The following SLC6A3 variants were observed in gnomAD, a reference collection of about 807,000 sequenced individuals.
The protein encoded by SLC6A3 is sodium-dependent dopamine transporter.
In SLC6A3, 19 loss-of-function variants were observed where a neutral mutation model predicts 70.4. The observed-to-expected ratio is 0.27, with a 90% CI of 0.19 to 0.40. SLC6A3 has a LOEUF of 0.40. Ranked by LOEUF, SLC6A3 falls within the 10% of genes least tolerant of loss-of-function variation. The pLI is 1.00. For synonymous variants in SLC6A3, 368 were observed against 356.6 expected, an observed-to-expected ratio of 1.03 and a Z score of -0.36; for missense variants, 613 against 838.5, an observed-to-expected ratio of 0.73 and a Z score of 3.32.
At position 1,441,375 on chromosome 5, in the gene SLC6A3, G is replaced by A. The variant is rs754574857; in HGVS notation, c.402C>T (p.Ile134=). 1 of 1,614,256 alleles carries A rather than the reference G, an allele frequency of 6.2e-7. No homozygotes were observed. The highest frequency in any genetic ancestry group is 2.2e-5 in the East Asian group (1 of 44,882). The part of the protein sequence containing the change: ...NREGAAGVWK[I]CPILKGVGFT... ...GCATATTACCTTTCAGTATGGGGCA[G>A]ATCTTCCAGACACCAGCGGCCCCTT... Residue 134 remains isoleucine (I), a synonymous_variant, in exon 3 of 15, where the codon ATC becomes ATT. Transcript: ENST00000270349.
chr5:1,429,017 G>A (rs1756636129), intron 4 of SLC6A3, among the ~76,000 whole-genome samples: 1 of 152,208 alleles, frequency 6.6e-6, no homozygotes, highest in Non-Finnish European at 1.5e-5. Flanking sequence ...CTAGGACAAA[G>A]AGCTGCACTG....
At chr5:1,410,880 A>ATGTGTT (rs1756103653) in intron 9 of SLC6A3, among the ~76,000 whole-genome samples, 1 of 149,556 alleles carries the variant, frequency 6.7e-6, no homozygotes, top group Non-Finnish European at 1.5e-5. Context: ...GCATGTGTGT[A>ATGTGTT]TGTGTGTGCA....
intron 1 of SLC6A3, among the ~76,000 whole-genome samples, chr5:1,444,523 C>T (rs1454590008): frequency 6.6e-6 from 1 of 152,248 alleles, no homozygotes; most frequent in Non-Finnish European, 1.5e-5. Flanking sequence ...GCAACTTTCC[C>T]TGCATCCAAG....
At chr5:1,415,196 G>A (rs907528666) in intron 7 of SLC6A3, among the ~76,000 whole-genome samples, 1 of 152,142 alleles carries the variant, frequency 6.6e-6, no homozygotes, top group African/African-American at 2.4e-5. Context: ...GGGTCTCGGG[G>A]GCTGTGTTTC....
At position 1,403,071 on chromosome 5, in the gene SLC6A3, T is replaced by C; in HGVS notation, c.1618A>G (p.Ile540Val). 1 of 1,613,716 alleles carries C rather than the reference T, an allele frequency of 6.2e-7. No homozygotes were observed. The change falls in exon 13 of 15, where the codon ATT becomes GTT. Residue 540 changes from isoleucine to valine, a missense_variant. Coordinates refer to ENST00000270349, the MANE Select transcript of SLC6A3 (RefSeq NM_001044.5). The part of the protein sequence containing the change: ...CFLLFVVVVS[I>V]VTFRPPHYGA... ...TAGTGGGGGGGTCTGAAGGTCACAATGCTGACCACGACCACGAACTGCAAC... is the reference window on the plus strand; with the variant it reads ...TAGTGGGGGGGTCTGAAGGTCACAACGCTGACCACGACCACGAACTGCAAC...
At chr5:1,414,047 G>C (rs956352431) in intron 8 of SLC6A3, among the ~76,000 whole-genome samples, 2 of 152,192 alleles carry the variant, frequency 1.3e-5, no homozygotes, top group African/African-American at 4.8e-5. Context: ...TCATGCGTCG[G>C]CCTGGGGAGC....
At chr5:1,432,137 G>C (rs989326771) in intron 4 of SLC6A3, among the ~76,000 whole-genome samples, 1 of 152,154 alleles carries the variant, frequency 6.6e-6, no homozygotes, top group African/African-American at 2.4e-5. Flanking sequence ...CCAGAGACTG[G>C]AGCTTGCCCA....
In SLC6A3 at chr5:1,394,866, T is replaced by C. The variant is rs964540246; in HGVS notation, c.1840-108A>G. 5 of 1,228,988 alleles carry C rather than the reference T, an allele frequency of 4.1e-6. No individual in the cohort carries two copies. In the African/African-American group the frequency reaches 5.9e-5, roughly 15 times the overall value. The allele number at this position is 1,228,988 out of a possible 1,614,324, so 76.1% of individuals were successfully genotyped here. On this transcript the variant is annotated intron_variant, in intron 14 of 14. Transcript: ENST00000270349. This position sits in a 1 kb window ranked among gnomAD's most constrained non-coding sequence, Gnocchi z 4.7. ...GGCAGTGAGCAGACAGTTTGCAGCC[T>C]CCTGGCCATGTGCCCTGGGAGAAGG... is the stretch of plus-strand genomic sequence containing the variant.
At chr5:1,409,578 G>C in intron 10 of SLC6A3, 143 bp downstream of exon 10, 2 of 934,076 alleles carry the variant, frequency 2.1e-6, no homozygotes, top group Non-Finnish European at 3.5e-6. Flanking sequence ...GCACTGCTAC[G>C]AGTCATTTTC....
chr5:1,420,493 G>A lies in SLC6A3; in HGVS notation c.927+76C>T, dbSNP rs530201443. 6 of 1,554,648 alleles carry A rather than the reference G, an allele frequency of 3.9e-6. No individual in the cohort carries two copies. In the South Asian group the frequency reaches 6.7e-5, roughly 17 times the overall value. The stretch of plus-strand genomic sequence containing the variant: ...TGCAACTCTGACACCTCTCAGCCCT[G>A]GCAGGCAATGCATATGGAAACCTGG... On this transcript the variant is annotated intron_variant, in intron 6 of 14. Transcript: ENST00000270349.
In SLC6A3 at chr5:1,401,328, C is replaced by A; in HGVS notation, c.1768-342G>T. 1.9e-6 allele frequency: 1 copy of A among 532,168 alleles called. No individual in the cohort carries two copies. The highest frequency in any genetic ancestry group is 3.6e-6 in the Non-Finnish European group (1 of 276,476). The allele number at this position is 532,168 out of a possible 1,614,324, so 33.0% of individuals were successfully genotyped here. ...AGTCTAAGCTACCACGTGTGCTGGG[C>A]TCTGAGTAAGAAAGTGCCCACACCC... is the stretch of plus-strand genomic sequence containing the variant. On this transcript the variant is annotated intron_variant, in intron 13 of 14. Coordinates refer to ENST00000270349, the MANE Select transcript of SLC6A3 (RefSeq NM_001044.5). This position sits in a 1 kb window ranked among gnomAD's most constrained non-coding sequence, Gnocchi z 6.1.
chr5:1,409,279 C>T (rs1026041254), intron 10 of SLC6A3, among the ~76,000 whole-genome samples, 154 bp from the exon 11 acceptor site: 12 of 152,134 alleles, frequency 7.9e-5, no homozygotes, highest in African/African-American at 1.2e-4. Context: ...CTTAGGGCCA[C>T]GTGTATTACA....
At position 1,442,995 on chromosome 5, in the gene SLC6A3, T is replaced by A; in HGVS notation, c.203A>T (p.Asp68Val). ...QDRETWGKKI[D>V]FLLSVIGFAV... ...AAAGCCAATGACGGACAGGAGAAAG[T>A]CGATCTTCTTGCCCCAGGTCTCCCG... Residue 68 changes from aspartate to valine, a missense_variant, in exon 2 of 15, where the codon GAC (aspartate) becomes GTC (valine). Asp to Val is a radical substitution (Grantham distance 152). Around this residue, in one of 4 missense-constraint regions of SLC6A3, gnomAD observed 111 missense variants for 91.6 expected, o/e 1.21. Transcript: ENST00000270349. This position sits in a 1 kb window ranked among gnomAD's most constrained non-coding sequence, Gnocchi z 5.0. 1 of 1,614,160 alleles carries A rather than the reference T, an allele frequency of 6.2e-7. No homozygotes were observed.
At chr5:1,395,533 C>G (rs954131081) in intron 14 of SLC6A3, among the ~76,000 whole-genome samples, 6 of 152,200 alleles carry the variant, frequency 3.9e-5, no homozygotes, top group African/African-American at 1.4e-4. Context: ...CAAGAGCCTG[C>G]AGGGACCTCC....
rs1281034731 is a variant in SLC6A3, at chr5:1,406,295, G to T, written c.1499-7C>A. ...TCGCTGAACTGCCCAACACCTGAGG[G>T]AGAAGAGGTGGCATCAGTGTCCATC... On this transcript the variant is annotated splice_polypyrimidine_tract_variant and splice_region_variant and intron_variant, in intron 11 of 14. Transcript: ENST00000270349. The surrounding 1 kb of genome is among the most constrained non-coding windows in gnomAD (Gnocchi z 8.8). The T allele has an allele frequency of 1.2e-6, 2 of 1,610,522 alleles. No individual in the cohort carries two copies. Among genetic ancestry groups the T allele is most frequent in the Admixed American group, 3.3e-5 (2 of 60,026 alleles).
rs1756436760 is a variant in SLC6A3, at chr5:1,421,589, G to A, written c.792+287C>T. 6.6e-6 allele frequency among the ~76,000 whole-genome samples: 1 copy of A among 152,060 alleles called. No individual in the cohort carries two copies. The highest frequency in any genetic ancestry group is 2.1e-4 in the South Asian group (1 of 4,824). On this transcript the variant is annotated intron_variant, in intron 5 of 14. Coordinates refer to ENST00000270349, the MANE Select transcript of SLC6A3 (RefSeq NM_001044.5). The surrounding 1 kb of genome is among the most constrained non-coding windows in gnomAD (Gnocchi z 7.2). Reference sequence around the variant, plus strand: ...CGTGTGTCCGCCCAGCCCAGCCACGGCCACGTGTCCCCCCACCCACCCATG... The same window carrying A: ...CGTGTGTCCGCCCAGCCCAGCCACGACCACGTGTCCCCCCACCCACCCATG...
chr5:1,409,151 C>A, intron 10 of SLC6A3, 26 bp from the exon 11 acceptor site: 5 of 1,534,888 alleles, frequency 3.3e-6, no homozygotes, highest in Non-Finnish European at 3.6e-6. Context: ...GCCTGTGGAC[C>A]TACAGAAGGG....
At position 1,438,531 on chromosome 5, in the gene SLC6A3, T is replaced by C. The variant is rs562641393; in HGVS notation, c.418+2828A>G. Among the ~76,000 whole-genome samples, 7 of 152,376 alleles carry C rather than the reference T, an allele frequency of 4.6e-5. No homozygotes were observed. The highest frequency in any genetic ancestry group is 8.8e-5 in the Non-Finnish European group (6 of 68,040). On this transcript the variant is annotated intron_variant, in intron 3 of 14. Transcript: ENST00000270349. The surrounding 1 kb of genome is among the most constrained non-coding windows in gnomAD (Gnocchi z 6.5). Reference sequence around the variant, plus strand: ...AAGTTGAGTTGGTGCTCTGAAATTCTTAGAAATTGCTTCTTGACATTTTAT... The same window carrying C: ...AAGTTGAGTTGGTGCTCTGAAATTCCTAGAAATTGCTTCTTGACATTTTAT...
At position 1,413,720 on chromosome 5, in the gene SLC6A3, C is replaced by T. The variant is rs1388261840; in HGVS notation, c.1156+971G>A. 6.6e-6 allele frequency among the ~76,000 whole-genome samples: 1 copy of T among 152,162 alleles called. No individual in the cohort carries two copies. On this transcript the variant is annotated intron_variant, in intron 8 of 14. Coordinates refer to ENST00000270349, the MANE Select transcript of SLC6A3 (RefSeq NM_001044.5). This position sits in a 1 kb window ranked among gnomAD's most constrained non-coding sequence, Gnocchi z 7.1. ...CTCCACATCCATGTGGCAGAGCAGG[C>T]CGGGAGGCAGGCGGGGGCTCTGCTG...
Sources: gnomAD v4.1 joint callset for allele counts (sites outside exome capture counted in the v4.1 genomes callset) on GRCh38, gnomAD v4.1.1 for gene constraint, gnomAD v4.1.1 regional missense constraint, Gnocchi (gnomAD v3.1) non-coding constraint, MANE v1.5 for transcripts, NCBI Gene and HGNC (gene_info 2026-07-23, HGNC 2026-07-21) for gene names.